Variants in VTI1A observed in about 807,000 individuals in gnomAD.
VTI1A encodes the protein vesicle transport through interaction with t-SNAREs 1A.
A neutral mutation model predicts 34.9 loss-of-function variants in VTI1A; 22 were observed. That is an observed-to-expected ratio of 0.63 (90% CI 0.45 to 0.90). The LOEUF (loss-of-function observed/expected upper bound fraction) is 0.90. VTI1A is among the 40% of genes least tolerant of loss of function. The pLI, the probability that VTI1A is intolerant of heterozygous loss-of-function variation, is 0.00. For missense variants in VTI1A, 268 were observed against 275.6 expected, an observed-to-expected ratio of 0.97 and a Z score of 0.20; for synonymous variants, 87 against 97.3, an observed-to-expected ratio of 0.89 and a Z score of 0.62.
intron 7 of VTI1A, among the ~76,000 whole-genome samples, chr10:112,672,404 C>CA (rs1376737059): frequency 6.6e-6 from 1 of 152,146 alleles, no homozygotes; most frequent in African/African-American, 2.4e-5. Context: ...CATCAGAACA[C>CA]AGCTCTGGCT....
At chr10:112,515,455 T>G (rs534124324) in intron 3 of VTI1A, among the ~76,000 whole-genome samples, 4 of 152,248 alleles carry the variant, frequency 2.6e-5, no homozygotes, top group Admixed American at 2.6e-4. Context: ...ACTCTGAATA[T>G]TCTTCCAGAT....
intron 3 of VTI1A, among the ~76,000 whole-genome samples, chr10:112,472,031 C>T (rs1334771765): frequency 2.6e-5 from 4 of 152,128 alleles, no homozygotes; most frequent in Admixed American, 1.3e-4. Context: ...TGCTTTTTCA[C>T]GTCTCTGATA....
intron 7 of VTI1A, among the ~76,000 whole-genome samples, chr10:112,674,274 T>G (rs538783793): frequency 6.6e-6 from 1 of 152,200 alleles, no homozygotes; most frequent in Admixed American, 6.5e-5. Flanking sequence ...TTTAATCAAG[T>G]GCTTATTCTT....
At chr10:112,709,823 T>TG (rs949687872) in intron 7 of VTI1A, among the ~76,000 whole-genome samples, 1 of 148,550 alleles carries the variant, frequency 6.7e-6, no homozygotes, top group Non-Finnish European at 1.5e-5. Context: ...CCCAGGTAGG[T>TG]GGGACTATAG....
At chr10:112,626,054 C>T (rs1845912485) in intron 5 of VTI1A, among the ~76,000 whole-genome samples, 1 of 152,102 alleles carries the variant, frequency 6.6e-6, no homozygotes, top group African/African-American at 2.4e-5. Flanking sequence ...AAACAAAGTA[C>T]ATTTGGAAAC....
In VTI1A at chr10:112,500,724, G is replaced by C. The variant is rs140471053; in HGVS notation, c.265-26363G>C. Among the ~76,000 whole-genome samples, 1,097 of 152,178 alleles carry C rather than the reference G, an allele frequency of 7.2e-3. 17 individuals are homozygous for C. Among genetic ancestry groups the C allele is most frequent in the African/African-American group, 0.025 (1,041 of 41,518 alleles). On this transcript the variant is annotated intron_variant, in intron 3 of 7. Coordinates refer to ENST00000393077, the MANE Select transcript of VTI1A (RefSeq NM_145206.4). ...TTGGACTCTTGATTATACCTTTTAA[G>C]GCCTCCTATGATGGACCTTTCCTTT...
intron 7 of VTI1A, among the ~76,000 whole-genome samples, chr10:112,785,932 C>T (rs1852274190): frequency 6.6e-6 from 1 of 152,082 alleles, no homozygotes; most frequent in Non-Finnish European, 1.5e-5. Context: ...TTTTCAAACT[C>T]ATTTTTATAC....
At chr10:112,686,245 G>C (rs541226502) in intron 7 of VTI1A, among the ~76,000 whole-genome samples, 14 of 152,128 alleles carry the variant, frequency 9.2e-5, no homozygotes, top group Non-Finnish European at 2.1e-4. Context: ...TCATTTTTCA[G>C]CACAGTTCAT....
chr10:112,588,244 C>T (rs924336343), intron 5 of VTI1A, among the ~76,000 whole-genome samples: 27 of 152,032 alleles, frequency 1.8e-4, no homozygotes, highest in African/African-American at 5.6e-4. Context: ...AAGCAATAAA[C>T]TATAGTTTGT....
chr10:112,717,658 A>G (rs1435555605), intron 7 of VTI1A, among the ~76,000 whole-genome samples: 1 of 152,188 alleles, frequency 6.6e-6, no homozygotes, highest in Non-Finnish European at 1.5e-5. Context: ...TACAAAAGCA[A>G]GAGGCAGAAG....
chr10:112,756,123 T>C (rs1309805795), intron 7 of VTI1A, among the ~76,000 whole-genome samples: 1 of 152,040 alleles, frequency 6.6e-6, no homozygotes, highest in Admixed American at 6.5e-5. Context: ...ACCGCAAGAA[T>C]AATTATGCTC....
chr10:112,835,032 A>G, the VTI1A span, among the ~76,000 whole-genome samples: 1 of 152,032 alleles, frequency 6.6e-6, no homozygotes, highest in Non-Finnish European at 1.5e-5. Flanking sequence ...CTAGCAAAAA[A>G]GAAAAAAAAA....
At chr10:112,793,772 T>A (rs1424029699) in intron 7 of VTI1A, among the ~76,000 whole-genome samples, 22 of 152,244 alleles carry the variant, frequency 1.4e-4, no homozygotes, top group Admixed American at 1.2e-3. Context: ...GGCACGGCTC[T>A]GCTTCTAAGG....
intron 5 of VTI1A, among the ~76,000 whole-genome samples, chr10:112,609,757 T>C (rs1332363525): frequency 6.6e-6 from 1 of 152,124 alleles, no homozygotes; most frequent in Non-Finnish European, 1.5e-5. Context: ...TGAAATCACA[T>C]TGGTGAATTA....
Position 112,736,111 on chromosome 10 carries a change from G to GTATATATATATATATATATA in VTI1A, c.560+67121_560+67140dup, listed in dbSNP as rs372188173. On this transcript the variant is annotated intron_variant, in intron 7 of 7. Transcript: ENST00000393077. The stretch of plus-strand genomic sequence containing the variant: ...ATATTTTACATATATATGTGTGTGT[G>GTATATATATATATATATATA]TATATATATATATATATATATATAT... Among the ~76,000 whole-genome samples, 202 of 116,120 alleles carry GTATATATATATATATATATA rather than the reference G, an allele frequency of 1.7e-3. 3 individuals are homozygous for GTATATATATATATATATATA. Among genetic ancestry groups the GTATATATATATATATATATA allele is most frequent in the African/African-American group, 3.6e-3 (95 of 26,704 alleles). The allele number at this position is 116,120 out of a possible 152,430, so 76.2% of individuals were successfully genotyped here.
intron 4 of VTI1A, among the ~76,000 whole-genome samples, chr10:112,527,744 A>C (rs1037873084): frequency 6.7e-6 from 1 of 150,034 alleles, no homozygotes; most frequent in African/African-American, 2.5e-5. Flanking sequence ...ATAATAGGAT[A>C]AGTCTTTTTG....
chr10:112,539,448 A>C (rs1850777477), intron 5 of VTI1A, among the ~76,000 whole-genome samples: 1 of 152,214 alleles, frequency 6.6e-6, no homozygotes, highest in African/African-American at 2.4e-5. Flanking sequence ...ACTAAAGAAA[A>C]CCACAAACCT....
chr10:112,464,086 C>G (rs1847816848), intron 2 of VTI1A, among the ~76,000 whole-genome samples: 1 of 152,184 alleles, frequency 6.6e-6, no homozygotes, highest in Non-Finnish European at 1.5e-5. Context: ...GCAACCTCTG[C>G]CTCCCAGGTT....
At chr10:112,775,246 C>A (rs957247287) in intron 7 of VTI1A, among the ~76,000 whole-genome samples, 12 of 152,174 alleles carry the variant, frequency 7.9e-5, no homozygotes, top group Non-Finnish European at 1.5e-5. Flanking sequence ...TATAAAAATT[C>A]TTCAAAGTAC....
Sources: allele counts gnomAD v4.1 joint callset (sites outside exome capture counted in the v4.1 genomes callset), GRCh38; gene constraint gnomAD v4.1.1; transcripts MANE v1.5; gene names NCBI Gene and HGNC (gene_info 2026-07-23, HGNC 2026-07-21).